RGS10: variants seen among roughly 807,000 people sequenced by gnomAD.
The protein encoded by RGS10 is regulator of G-protein signalling 10.
Under a neutral mutation model 23.5 loss-of-function variants are expected in RGS10, and 11 were observed. The observed-to-expected ratio is 0.47, with a 90% CI of 0.29 to 0.77. RGS10 has a LOEUF of 0.77. Ranked by LOEUF, RGS10 falls within the 30% of genes least tolerant of loss-of-function variation. The pLI is 0.08. For synonymous variants in RGS10, 77 were observed against 83.2 expected, an observed-to-expected ratio of 0.92 and a Z score of 0.41; for missense variants, 180 against 226.3, an observed-to-expected ratio of 0.80 and a Z score of 1.31.
chr10:119,537,382 CAAAAAAAAAA>C (rs56219523), intron 1 of RGS10, among the ~76,000 whole-genome samples: 4 of 131,374 alleles, frequency 3.0e-5, no homozygotes, highest in Non-Finnish European at 4.7e-5. Flanking sequence ...AACTCCGTCT[CAAAAAAAAAA>C]AAAAGAAAAA....
At chr10:119,521,621 G>GGAAA (rs1285114351) in intron 3 of RGS10, among the ~76,000 whole-genome samples, 1 of 33,728 alleles carries the variant, frequency 3.0e-5, no homozygotes, top group African/African-American at 7.8e-5. Flanking sequence ...AAGGAAGGAA[G>GGAAA]GAAAGAAAGG....
At chr10:119,534,457 A>G (rs1266694430) in intron 1 of RGS10, among the ~76,000 whole-genome samples, 3 of 148,968 alleles carry the variant, frequency 2.0e-5, no homozygotes, top group Non-Finnish European at 3.0e-5. Flanking sequence ...CAGGCATGGT[A>G]GCACGTGCCT....
At position 119,524,445 on chromosome 10, in the gene RGS10, A is replaced by G. The variant is rs1207042750; in HGVS notation, c.255+1587T>C. On this transcript the variant is annotated intron_variant, in intron 3 of 4. Coordinates refer to ENST00000369103, the MANE Select transcript of RGS10 (RefSeq NM_001005339.2). This position sits in a 1 kb window ranked among gnomAD's most constrained non-coding sequence, Gnocchi z 5.2. Reference sequence around the variant, plus strand: ...CCCTCCTACCTCTAACACTCAAAAGAATAAGGCAGGGGAATGGACATCTGT... The same window carrying G: ...CCCTCCTACCTCTAACACTCAAAAGGATAAGGCAGGGGAATGGACATCTGT... 6.6e-5 allele frequency among the ~76,000 whole-genome samples: 10 copies of G among 152,090 alleles called. No individual in the cohort carries two copies. Among genetic ancestry groups the G allele is most frequent in the Non-Finnish European group, 1.5e-4 (10 of 68,022 alleles).
chr10:119,502,903 G>A (rs1225796290), intron 4 of RGS10, among the ~76,000 whole-genome samples: 3 of 152,330 alleles, frequency 2.0e-5, no homozygotes, highest in Admixed American at 2.0e-4. Context: ...GGAGAAAGGA[G>A]AGGATGTCGC....
At position 119,527,376 on chromosome 10, in the gene RGS10, T is replaced by C; in HGVS notation, c.98A>G (p.Lys33Arg). ...GGATGCCGCCCATTTGGCTGTGCTC[T>C]TGAGGCTCTGGTGGCTGCTGCTGGA... is the stretch of plus-strand genomic sequence containing the variant. ...GSSSSSHQSL[K>R]STAKWAASLE... Residue 33 changes from lysine (K) to arginine (R), a missense_variant, in exon 2 of 5, where the codon AAG becomes AGG. Transcript: ENST00000369103. The surrounding 1 kb of genome is among the most constrained non-coding windows in gnomAD (Gnocchi z 4.2). The C allele has an allele frequency of 1.9e-6, 3 of 1,614,260 alleles. No individual in the cohort carries two copies. Among genetic ancestry groups the C allele is most frequent in the Non-Finnish European group, 1.7e-6 (2 of 1,180,040 alleles).
intron 1 of RGS10, 122 bp downstream of exon 1, chr10:119,542,468 G>A: frequency 1.2e-6 from 1 of 826,892 alleles, no homozygotes; most frequent in Non-Finnish European, 1.7e-6. Context: ...TGGTGCGGTC[G>A]GCCGGGGCTC....
At position 119,527,517 on chromosome 10, in the gene RGS10, C is replaced by T. The variant is rs1393786799; in HGVS notation, c.50-93G>A. On this transcript the variant is annotated intron_variant, in intron 1 of 4. Coordinates refer to ENST00000369103, the MANE Select transcript of RGS10 (RefSeq NM_001005339.2). This position sits in a 1 kb window ranked among gnomAD's most constrained non-coding sequence, Gnocchi z 4.2. ...ATGGTCAGCACTGCCGTCACCATCA[C>T]GGCTGACATACACCGACTTATGCGT... 4.4e-6 allele frequency: 4 copies of T among 910,516 alleles called. No individual in the cohort carries two copies. The highest frequency in any genetic ancestry group is 7.2e-6 in the Non-Finnish European group (4 of 555,352). 56.4% of individuals were successfully genotyped at this position (910,516 alleles called of 1,614,324 possible).
rs573076793 is a variant in RGS10, at chr10:119,508,143, G to A, written c.399+7366C>T. On this transcript the variant is annotated intron_variant, in intron 4 of 4. Transcript: ENST00000369103. ...CTCCTGAGTAGCTGAGAATACAGGC[G>A]TGCACCACCATGTCCGGCTAATTTT... 9.9e-5 allele frequency among the ~76,000 whole-genome samples: 15 copies of A among 151,934 alleles called. No individual in the cohort carries two copies. The South Asian group carries it at 1.9e-3, about 19-fold the overall frequency.
At chr10:119,537,242 C>T (rs559925359) in intron 1 of RGS10, among the ~76,000 whole-genome samples, 7 of 152,052 alleles carry the variant, frequency 4.6e-5, no homozygotes, top group South Asian at 2.1e-4. Context: ...ATTAGCCAGG[C>T]GTGGTGGTGC....
Position 119,500,156 on chromosome 10 carries a change from G to T in RGS10, c.503C>A (p.Ala168Asp), listed in dbSNP as rs201049857. 6.2e-7 allele frequency: 1 copy of T among 1,613,950 alleles called. No homozygotes were observed. The highest frequency in any genetic ancestry group is 2.2e-5 in the East Asian group (1 of 44,882). ...GGAAGCTCTTTTAGCTGCAGTTTGAGCATCAGGCAAATCTTCTTCCTCTTC... is the reference window on the plus strand; with the variant it reads ...GGAAGCTCTTTTAGCTGCAGTTTGATCATCAGGCAAATCTTCTTCCTCTTC... ...TEEEEEDLPDAQTAAKRASRI... is the reference protein window; with the variant it reads ...TEEEEEDLPDDQTAAKRASRI... Residue 168 changes from alanine to aspartate, a missense_variant, in exon 5 of 5, where the codon GCT becomes GAT. Coordinates refer to ENST00000369103, the MANE Select transcript of RGS10 (RefSeq NM_001005339.2).
intron 1 of RGS10, among the ~76,000 whole-genome samples, chr10:119,537,026 T>A (rs186982316): frequency 6.6e-6 from 1 of 152,242 alleles, no homozygotes; most frequent in Admixed American, 6.5e-5. Context: ...GTGATAAACA[T>A]TTTCTAAGGA....
chr10:119,530,002 G>A (rs1844316556), intron 1 of RGS10, among the ~76,000 whole-genome samples: 2 of 152,124 alleles, frequency 1.3e-5, no homozygotes, highest in South Asian at 2.1e-4. Context: ...TAAGGCAGGC[G>A]AACTGCTTGA....
At chr10:119,536,370 T>A in intron 1 of RGS10, 1 of 1,160,770 alleles carries the variant, frequency 8.6e-7, no homozygotes, top group Non-Finnish European at 1.3e-6. Context: ...CACCTCTGTG[T>A]CCTCACAGCA....
chr10:119,512,106 G>C (rs1564709947), intron 4 of RGS10, among the ~76,000 whole-genome samples: 1 of 151,452 alleles, frequency 6.6e-6, no homozygotes, highest in East Asian at 1.9e-4. Flanking sequence ...CCTACTAGAA[G>C]CTCAGAGAGC....
chr10:119,521,924 C>T (rs1402780015), intron 3 of RGS10, among the ~76,000 whole-genome samples: 1 of 152,118 alleles, frequency 6.6e-6, no homozygotes, highest in African/African-American at 2.4e-5. Context: ...CCTGCCAGAC[C>T]CCCCTTCTCA....
intron 1 of RGS10, among the ~76,000 whole-genome samples, chr10:119,528,683 A>C (rs537418496): frequency 6.6e-6 from 1 of 151,980 alleles, no homozygotes; most frequent in African/African-American, 2.4e-5. Context: ...AAAATATAAA[A>C]ATTAGTTGGG....
rs146152897 is a variant in RGS10 at position 119,502,383 on chromosome 10, C to T, written c.400-2124G>A. The stretch of plus-strand genomic sequence containing the variant: ...AATGAAACCAGTTGCACGAAGGTCC[C>T]ACCTGGCACCCAGCCTCAGTCCTGT... On this transcript the variant is annotated intron_variant, in intron 4 of 4. Coordinates refer to ENST00000369103, the MANE Select transcript of RGS10 (RefSeq NM_001005339.2). 5.9e-4 allele frequency among the ~76,000 whole-genome samples: 90 copies of T among 152,298 alleles called. No homozygotes were observed. In the Middle Eastern group the frequency reaches 0.014, roughly 23 times the overall value.
chr10:119,525,884 T>G lies in RGS10; in HGVS notation c.255+148A>C, dbSNP rs534909098. 9.3e-6 allele frequency: 4 copies of G among 429,314 alleles called. No individual in the cohort carries two copies. The South Asian group carries it at 3.3e-4, about 35-fold the overall frequency. The allele number at this position is 429,314 out of a possible 1,614,324, so 26.6% of individuals were successfully genotyped here. A position where few individuals can be genotyped will look rare whatever the true frequency, so the allele number is the denominator to read the frequency against. On this transcript the variant is annotated intron_variant, in intron 3 of 4. Transcript: ENST00000369103. The stretch of plus-strand genomic sequence containing the variant: ...AACTCACCCTTTTAAAAATGATTAA[T>G]ATTTGATCAACACAAGATACCTAAT...
chr10:119,532,704 G>T (rs1281716373), intron 1 of RGS10, among the ~76,000 whole-genome samples: 1 of 152,154 alleles, frequency 6.6e-6, no homozygotes, highest in Admixed American at 6.5e-5. Context: ...AGCCTGGAGT[G>T]GTGGTGCGCA....
Sources: allele counts gnomAD v4.1 joint callset (sites outside exome capture counted in the v4.1 genomes callset), GRCh38; gene constraint gnomAD v4.1.1; non-coding constraint Gnocchi (gnomAD v3.1); transcripts MANE v1.5; gene names NCBI Gene and HGNC (gene_info 2026-07-23, HGNC 2026-07-21).